CCDC91: variants seen among roughly 807,000 people sequenced by gnomAD.
CCDC91 encodes coiled-coil domain-containing protein 91.
CCDC91 carries 48 observed loss-of-function variants against 63.2 expected under a neutral mutation model. That is an observed-to-expected ratio of 0.76 (90% CI 0.60 to 0.97). The LOEUF is 0.97. Ranked by LOEUF, CCDC91 falls within the 50% of genes least tolerant of loss-of-function variation. The probability of loss-of-function intolerance (pLI) is 0.00; values close to 1 mark genes in which losing one functional copy is unlikely to be tolerated. For missense variants in CCDC91, 500 were observed against 494.6 expected, an observed-to-expected ratio of 1.01 and a Z score of -0.10; for synonymous variants, 167 against 165.8, an observed-to-expected ratio of 1.01 and a Z score of -0.06.
chr12:28,486,904 C>A (rs1258410214), intron 12 of CCDC91, among the ~76,000 whole-genome samples: 1 of 151,920 alleles, frequency 6.6e-6, no homozygotes, highest in Non-Finnish European at 1.5e-5. Context: ...TAATACCTAC[C>A]TTGCAGAGTT....
intron 6 of CCDC91, among the ~76,000 whole-genome samples, chr12:28,361,549 T>C (rs1434969009): frequency 6.6e-6 from 1 of 151,822 alleles, no homozygotes; most frequent in African/African-American, 2.4e-5. Flanking sequence ...TTCCATCATA[T>C]TAAATATTCC....
chr12:28,408,798 A>G (rs1947133111), intron 8 of CCDC91, among the ~76,000 whole-genome samples: 2 of 151,994 alleles, frequency 1.3e-5, no homozygotes, highest in Admixed American at 1.3e-4. Flanking sequence ...GTGCACCACA[A>G]TGCCTGGCTA....
At chr12:28,451,302 G>T (rs1949791172) in intron 10 of CCDC91, among the ~76,000 whole-genome samples, 1 of 151,664 alleles carries the variant, frequency 6.6e-6, no homozygotes, top group Non-Finnish European at 1.5e-5. Context: ...GGTAGAAACA[G>T]ACCAGTAGTA....
intron 1 of CCDC91, among the ~76,000 whole-genome samples, chr12:28,247,890 C>T (rs1221472395): frequency 1.3e-5 from 2 of 152,160 alleles, no homozygotes; most frequent in South Asian, 2.1e-4. Flanking sequence ...CAGCCTAGAT[C>T]CCTCATATGC....
chr12:28,511,315 A>C (rs1256909653), intron 12 of CCDC91, among the ~76,000 whole-genome samples: 2 of 151,922 alleles, frequency 1.3e-5, no homozygotes, highest in Admixed American at 6.6e-5. Flanking sequence ...AGATCACGGC[A>C]TTCCCATACA....
chr12:28,507,238 A>G (rs1463566699), intron 12 of CCDC91, among the ~76,000 whole-genome samples: 1 of 151,998 alleles, frequency 6.6e-6, no homozygotes, highest in East Asian at 1.9e-4. Context: ...AATCCCAAGA[A>G]TGAAATGAGA....
chr12:28,212,881 C>T (rs896211893), intron 1 of CCDC91, among the ~76,000 whole-genome samples: 2 of 152,136 alleles, frequency 1.3e-5, no homozygotes, highest in African/African-American at 4.8e-5. Flanking sequence ...ATTTCAAGTA[C>T]CTGTACTAGG....
intron 11 of CCDC91, among the ~76,000 whole-genome samples, chr12:28,480,366 G>A (rs537976521): frequency 2.0e-5 from 3 of 151,838 alleles, no homozygotes; most frequent in Admixed American, 1.3e-4. Flanking sequence ...TAACCACAAC[G>A]TCCTTTAAGA....
At chr12:28,197,788 C>A (rs1221974531) in intron 1 of CCDC91, among the ~76,000 whole-genome samples, 2 of 152,056 alleles carry the variant, frequency 1.3e-5, no homozygotes, top group Non-Finnish European at 2.9e-5. Context: ...AAATGTTTGT[C>A]CAAATTTATA....
intron 12 of CCDC91, among the ~76,000 whole-genome samples, chr12:28,513,087 G>T (rs1185356391): frequency 2.0e-5 from 3 of 151,860 alleles, no homozygotes. Context: ...TTGCTAAATT[G>T]TTCAGAACCC....
intron 12 of CCDC91, among the ~76,000 whole-genome samples, chr12:28,531,841 T>C (rs1941761223): frequency 6.6e-6 from 1 of 152,170 alleles, no homozygotes; most frequent in Non-Finnish European, 1.5e-5. Context: ...TCTGCGTTTC[T>C]AGTTTTTCTT....
At chr12:28,463,177 G>A (rs1950391159) in intron 11 of CCDC91, among the ~76,000 whole-genome samples, 1 of 152,166 alleles carries the variant, frequency 6.6e-6, no homozygotes, top group Non-Finnish European at 1.5e-5. Flanking sequence ...TTGAGATCGA[G>A]TGAAATATTA....
intron 10 of CCDC91, among the ~76,000 whole-genome samples, chr12:28,451,076 A>C (rs986445178): frequency 2.6e-5 from 4 of 151,756 alleles, no homozygotes; most frequent in Non-Finnish European, 5.9e-5. Flanking sequence ...TAAAGCAATA[A>C]ATTACTTTTG....
At chr12:28,361,469 C>CT (rs1307856299) in intron 6 of CCDC91, among the ~76,000 whole-genome samples, 2 of 151,930 alleles carry the variant, frequency 1.3e-5, no homozygotes, top group Non-Finnish European at 2.9e-5. Flanking sequence ...TTTTTCTCGT[C>CT]TTTTTTCTCT....
At chr12:28,540,647 C>T (rs1303684340) in intron 12 of CCDC91, among the ~76,000 whole-genome samples, 1 of 152,114 alleles carries the variant, frequency 6.6e-6, no homozygotes, top group Non-Finnish European at 1.5e-5. Flanking sequence ...TTCATTCATA[C>T]AGTTACCAAG....
At chr12:28,453,332 A>T (rs899049103) in intron 11 of CCDC91, among the ~76,000 whole-genome samples, 2 of 152,020 alleles carry the variant, frequency 1.3e-5, no homozygotes, top group Non-Finnish European at 2.9e-5. Context: ...CTTAAGTATC[A>T]AAAGCAAAAG....
intron 1 of CCDC91, among the ~76,000 whole-genome samples, chr12:28,207,374 G>A (rs542698288): frequency 4.2e-4 from 64 of 152,268 alleles, no homozygotes; most frequent in African/African-American, 1.4e-3. Flanking sequence ...CCAAAGTTTT[G>A]TTGCAGAATG....
At chr12:28,247,152 A>T (rs1304164484) in intron 1 of CCDC91, among the ~76,000 whole-genome samples, 1 of 152,212 alleles carries the variant, frequency 6.6e-6, no homozygotes, top group Non-Finnish European at 1.5e-5. Flanking sequence ...GATAGAAGCA[A>T]CTAGGTTACA....
intron 7 of CCDC91, among the ~76,000 whole-genome samples, chr12:28,376,971 T>A (rs1459458978): frequency 6.6e-6 from 1 of 151,804 alleles, no homozygotes; most frequent in Non-Finnish European, 1.5e-5. Context: ...CAACATGTTG[T>A]TTTTATTTTG....
Sources: gnomAD v4.1 joint callset for allele counts (sites outside exome capture counted in the v4.1 genomes callset) on GRCh38, gnomAD v4.1.1 for gene constraint, MANE v1.5 for transcripts, NCBI Gene and HGNC (gene_info 2026-07-23, HGNC 2026-07-21) for gene names.